The following AKAP9 variants were observed in gnomAD, a reference collection of about 807,000 sequenced individuals.
AKAP9 encodes the protein A-kinase anchoring protein 9, also known as A-kinase anchor protein 9.
In AKAP9, 311 loss-of-function variants were observed where a neutral mutation model predicts 488.5. The observed-to-expected ratio is 0.64, with a 90% CI of 0.58 to 0.70. The LOEUF is 0.70. Ranked by LOEUF, AKAP9 falls within the 30% of genes least tolerant of loss-of-function variation. The pLI is 0.00. For missense variants in AKAP9, 4,215 were observed against 4,374.5 expected, an observed-to-expected ratio of 0.96 and a Z score of 1.03; for synonymous variants, 1,462 against 1,483.5, an observed-to-expected ratio of 0.99 and a Z score of 0.33.
chr7:92,021,817 C>CA (rs1802354178), intron 12 of AKAP9, among the ~76,000 whole-genome samples: 1 of 152,128 alleles, frequency 6.6e-6, no homozygotes, highest in Non-Finnish European at 1.5e-5. Context: ...TACCATTTGT[C>CA]AGTTACCTGG....
At chr7:92,056,052 G>T (rs1372699583) in intron 22 of AKAP9, among the ~76,000 whole-genome samples, 2 of 142,638 alleles carry the variant, frequency 1.4e-5, no homozygotes, top group Non-Finnish European at 3.1e-5. Flanking sequence ...TTAATTCATG[G>T]TCATCTTTCT....
intron 1 of AKAP9, among the ~76,000 whole-genome samples, chr7:91,948,605 C>CCT (rs1791773313): frequency 3.8e-4 from 41 of 107,564 alleles, no homozygotes; most frequent in Middle Eastern, 4.5e-3. Context: ...TTGTAGATTT[C>CCT]TTTTTTTTTT....
intron 12 of AKAP9, among the ~76,000 whole-genome samples, chr7:92,020,006 T>G (rs1191263005): frequency 6.6e-6 from 1 of 150,730 alleles, no homozygotes; most frequent in East Asian, 1.9e-4. Flanking sequence ...AGAGTGAGAC[T>G]CCATCTCAAA....
chr7:91,947,503 C>T (rs895967234), intron 1 of AKAP9, among the ~76,000 whole-genome samples: 6 of 151,986 alleles, frequency 3.9e-5, no homozygotes, highest in Non-Finnish European at 7.4e-5. Flanking sequence ...CCACCACACC[C>T]GGCTAGGTTT....
intron 1 of AKAP9, among the ~76,000 whole-genome samples, chr7:91,954,405 C>T (rs1018713146): frequency 6.6e-6 from 1 of 152,150 alleles, no homozygotes; most frequent in African/African-American, 2.4e-5. Flanking sequence ...CCATCTCAGC[C>T]TCCCAAGTAA....
At chr7:92,027,360 C>CCA (rs1803430044) in intron 14 of AKAP9, among the ~76,000 whole-genome samples, 1 of 138,574 alleles carries the variant, frequency 7.2e-6, no homozygotes, top group Non-Finnish European at 1.6e-5. Context: ...GCCCGGCCGC[C>CCA]TCGTCTGGGA....
chr7:91,961,737 G>A (rs1016724088), intron 1 of AKAP9, among the ~76,000 whole-genome samples: 12 of 151,716 alleles, frequency 7.9e-5, no homozygotes, highest in Admixed American at 7.2e-4. Context: ...CCAGCTACTC[G>A]GGAGGCTGAG....
At chr7:92,092,528 T>G (rs1815805720) in intron 38 of AKAP9, 1 of 152,180 alleles carries the variant, frequency 6.6e-6, no homozygotes, top group African/African-American at 2.4e-5. Flanking sequence ...TAATTTTAAG[T>G]CTTGCATCCA....
chr7:92,073,723 A>T (rs2130849572), intron 28 of AKAP9, among the ~76,000 whole-genome samples: 1 of 152,278 alleles, frequency 6.6e-6, no homozygotes, highest in South Asian at 2.1e-4. Context: ...CCATAGTGTC[A>T]TTTGGGGGAA....
chr7:91,960,133 C>G (rs1309906163), intron 1 of AKAP9, among the ~76,000 whole-genome samples: 1 of 152,152 alleles, frequency 6.6e-6, no homozygotes, highest in Non-Finnish European at 1.5e-5. Context: ...ATTGGTATTT[C>G]TTAGCTTTTC....
At chr7:92,065,610 G>A (rs1810648034) in intron 25 of AKAP9, 147 bp downstream of exon 25, 4 of 608,196 alleles carry the variant, frequency 6.6e-6, no homozygotes, top group East Asian at 2.9e-5. Context: ...CGATCAAAAA[G>A]TACTATTCCA....
At chr7:92,034,709 AT>A (rs1194350086) in intron 16 of AKAP9, among the ~76,000 whole-genome samples, 10 of 150,350 alleles carry the variant, frequency 6.7e-5, no homozygotes, top group African/African-American at 2.0e-4. Context: ...GGGTTTCATC[AT>A]GTTGGCTGTA....
chr7:91,948,529 T>C (rs1242366471), intron 1 of AKAP9, among the ~76,000 whole-genome samples: 2 of 152,024 alleles, frequency 1.3e-5, no homozygotes, highest in Non-Finnish European at 2.9e-5. Flanking sequence ...TAATTGTGGT[T>C]TTGGTTTGTA....
intron 14 of AKAP9, among the ~76,000 whole-genome samples, chr7:92,027,227 C>CAGA (rs1803383099): frequency 8.3e-6 from 1 of 119,926 alleles, no homozygotes; most frequent in Non-Finnish European, 1.7e-5. Flanking sequence ...GGGAGGTGAG[C>CAGA]GCCTCTGCCC....
chr7:91,992,383 G>T (rs1225361653), intron 4 of AKAP9, among the ~76,000 whole-genome samples, 172 bp downstream of exon 4: 1 of 152,062 alleles, frequency 6.6e-6, no homozygotes, highest in Non-Finnish European at 1.5e-5. Context: ...TCAATTGTAG[G>T]CCAGGCGTGG....
Position 92,002,608 on chromosome 7 carries a change from TG to T in AKAP9, c.2692del (p.Glu898LysfsTer8). The T allele has an allele frequency of 6.2e-7, 1 of 1,611,822 alleles. No homozygotes were observed. The highest frequency in any genetic ancestry group is 8.5e-7 in the Non-Finnish European group (1 of 1,178,956). On this transcript the variant is annotated frameshift_variant, in exon 8 of 50. Coordinates refer to ENST00000356239, the MANE Select transcript of AKAP9 (RefSeq NM_005751.5). LOFTEE classifies it high-confidence loss of function. ...ATAAAAGTAAACTTAAAGCACTTAATGAAGAGCTTCATTTGCAAAGAATAAA... is the reference window on the plus strand; with the variant it reads ...ATAAAAGTAAACTTAAAGCACTTAATAAGAGCTTCATTTGCAAAGAATAAA... The part of the protein sequence containing the change: ...EYKSKLKALN[E>X]ELHLQRINPT...
chr7:91,956,026 A>G (rs543015631), intron 1 of AKAP9, among the ~76,000 whole-genome samples: 1 of 152,162 alleles, frequency 6.6e-6, no homozygotes, highest in African/African-American at 2.4e-5. Context: ...GTGTTTCCTC[A>G]TCAATAAACA....
chr7:91,998,061 A>T (rs1022394122), intron 7 of AKAP9, among the ~76,000 whole-genome samples: 39 of 152,130 alleles, frequency 2.6e-4, no homozygotes, highest in African/African-American at 8.7e-4. Context: ...TGGTTTTGGG[A>T]TGACATCAGG....
At chr7:92,021,309 T>C (rs1296908165) in intron 12 of AKAP9, among the ~76,000 whole-genome samples, 1 of 152,210 alleles carries the variant, frequency 6.6e-6, no homozygotes, top group Non-Finnish European at 1.5e-5. Context: ...TATATTGTTA[T>C]TTTTTAAACG....
Sources: allele counts gnomAD v4.1 joint callset (sites outside exome capture counted in the v4.1 genomes callset), GRCh38; gene constraint gnomAD v4.1.1; transcripts MANE v1.5; gene names NCBI Gene and HGNC (gene_info 2026-07-23, HGNC 2026-07-21).